Variants in DYM observed in about 807,000 individuals in gnomAD.
The protein encoded by DYM is dymeclin.
In DYM, 78 loss-of-function variants were observed where a neutral mutation model predicts 93.1. The observed-to-expected ratio is 0.84, with a 90% CI of 0.70 to 1.01. The LOEUF is 1.01. DYM is among the 50% of genes least tolerant of loss of function. The pLI is 0.00. For synonymous variants in DYM, 321 were observed against 319.7 expected, an observed-to-expected ratio of 1.00 and a Z score of -0.04; for missense variants, 789 against 845.0, an observed-to-expected ratio of 0.93 and a Z score of 0.82.
chr18:49,190,302 T>C (rs1401185516), intron 14 of DYM, among the ~76,000 whole-genome samples: 4 of 152,252 alleles, frequency 2.6e-5, no homozygotes, highest in African/African-American at 4.8e-5. Context: ...TTTCTTTTAC[T>C]TTTAACATTT....
In DYM at chr18:49,039,539, G is replaced by A. The variant is rs563460449; in HGVS notation, c.*4516C>T. Among the ~76,000 whole-genome samples, 14 of 152,050 alleles carry A rather than the reference G, an allele frequency of 9.2e-5. No homozygotes were observed. The highest frequency in any genetic ancestry group is 1.6e-4 in the Non-Finnish European group (11 of 67,968). ...GCCAACTACCCTGCATGTCTGAGCAGGTCAGACATGCTCACTGTACCCTTT... is the reference window on the plus strand; with the variant it reads ...GCCAACTACCCTGCATGTCTGAGCAAGTCAGACATGCTCACTGTACCCTTT... On this transcript the variant is annotated 3_prime_UTR_variant, in exon 18 of 18. Coordinates refer to ENST00000675505, the MANE Select transcript of DYM (RefSeq NM_001353214.3).
intron 11 of DYM, among the ~76,000 whole-genome samples, chr18:49,268,815 TAAAAG>T (rs148307116): frequency 0.08 from 12,156 of 152,112 alleles, 757 homozygotes; most frequent in East Asian, 0.31. Flanking sequence ...AATTCCTTAT[TAAAAG>T]AAAAGTCATG....
chr18:49,226,722 C>T (rs889357370), intron 13 of DYM, among the ~76,000 whole-genome samples: 1 of 152,046 alleles, frequency 6.6e-6, no homozygotes, highest in African/African-American at 2.4e-5. Context: ...TTGAAAGAAG[C>T]ATTTCAATGT....
chr18:49,386,567 C>T (rs1005284085), intron 3 of DYM, among the ~76,000 whole-genome samples: 1 of 152,128 alleles, frequency 6.6e-6, no homozygotes, highest in Non-Finnish European at 1.5e-5. Context: ...AAATACCCTA[C>T]TAATACTCCC....
intron 13 of DYM, among the ~76,000 whole-genome samples, chr18:49,221,291 C>T (rs1244780956): frequency 1.3e-5 from 2 of 152,052 alleles, no homozygotes; most frequent in Non-Finnish European, 2.9e-5. Flanking sequence ...AATAGGAACA[C>T]TTTTACACTG....
rs2143992958 is a variant in DYM, at chr18:49,041,244, C to A, written c.*2811G>T. On this transcript the variant is annotated 3_prime_UTR_variant, in exon 18 of 18. Coordinates refer to ENST00000675505, the MANE Select transcript of DYM (RefSeq NM_001353214.3). ...GCTCTTCTGCAAAGTGCCTTGAACT[C>A]TTGATAGGGAAGATGCTATTGAAAG... Among the ~76,000 whole-genome samples, 1 of 152,280 alleles carries A rather than the reference C, an allele frequency of 6.6e-6. No homozygotes were observed. The highest frequency in any genetic ancestry group is 6.5e-5 in the Admixed American group (1 of 15,302).
intron 2 of DYM, among the ~76,000 whole-genome samples, chr18:49,411,649 CTGAACA>C (rs1435951216): frequency 6.6e-6 from 1 of 152,156 alleles, no homozygotes; most frequent in African/African-American, 2.4e-5. Context: ...TAACAGACCT[CTGAACA>C]CAGGTTTGCT....
intron 13 of DYM, among the ~76,000 whole-genome samples, chr18:49,234,422 A>G (rs1372341832): frequency 1.3e-5 from 2 of 152,048 alleles, no homozygotes; most frequent in Non-Finnish European, 2.9e-5. Flanking sequence ...GTGCCACCAC[A>G]CTCCAGCCTG....
chr18:49,417,290 A>G (rs2073105460), intron 2 of DYM, among the ~76,000 whole-genome samples: 1 of 152,064 alleles, frequency 6.6e-6, no homozygotes, highest in Non-Finnish European at 1.5e-5. Context: ...TTGGGACTAC[A>G]AGCATAAGCC....
chr18:49,457,989 A>C (rs148552372), intron 1 of DYM, among the ~76,000 whole-genome samples: 18 of 152,352 alleles, frequency 1.2e-4, no homozygotes, highest in Non-Finnish European at 1.9e-4. Context: ...AGAAACCTCC[A>C]GAGAAGAACA....
chr18:49,298,411 C>G (rs914294108), intron 8 of DYM, among the ~76,000 whole-genome samples: 2 of 151,976 alleles, frequency 1.3e-5, no homozygotes, highest in African/African-American at 4.8e-5. Flanking sequence ...GAAACCCCGT[C>G]TCTACTAAAA....
Position 49,363,226 on chromosome 18 carries a change from G to A in DYM, c.429C>T (p.Asp143=). 2 of 1,613,318 alleles carry A rather than the reference G, an allele frequency of 1.2e-6. No homozygotes were observed. The highest frequency in any genetic ancestry group is 8.5e-7 in the Non-Finnish European group (1 of 1,179,518). ...GCAATTCTTCCAAAAGATCTTCTGAGTCAGAACCTGGTAAGACACATAAAA... is the reference window on the plus strand; with the variant it reads ...GCAATTCTTCCAAAAGATCTTCTGAATCAGAACCTGGTAAGACACATAAAA... The part of the protein sequence containing the change: ...EEKSPGNYSS[D]SEDLLEELLC... Residue 143 remains aspartate (D), a synonymous_variant, in exon 6 of 18, where the codon GAC becomes GAT. Transcript: ENST00000675505.
intron 14 of DYM, among the ~76,000 whole-genome samples, chr18:49,165,295 A>G (rs2087726319): frequency 6.6e-6 from 1 of 152,146 alleles, no homozygotes; most frequent in Admixed American, 6.6e-5. Context: ...TATGATCCCA[A>G]TATTAAATTT....
At chr18:49,301,093 G>T (rs905919425) in intron 8 of DYM, among the ~76,000 whole-genome samples, 1 of 152,144 alleles carries the variant, frequency 6.6e-6, no homozygotes. Context: ...AGGGACACAT[G>T]TAAGTATTTG....
chr18:49,412,105 G>T (rs1290343909), intron 2 of DYM, among the ~76,000 whole-genome samples: 1 of 152,072 alleles, frequency 6.6e-6, no homozygotes, highest in Non-Finnish European at 1.5e-5. Flanking sequence ...GTGATTCACA[G>T]ACAATCGTAT....
At chr18:49,342,080 A>G (rs1193153829) in intron 6 of DYM, among the ~76,000 whole-genome samples, 1 of 152,182 alleles carries the variant, frequency 6.6e-6, no homozygotes, top group Non-Finnish European at 1.5e-5. Flanking sequence ...TGGAGGCTCT[A>G]AAGAAGAATT....
At chr18:49,103,151 T>C (rs2080371645) in intron 16 of DYM, among the ~76,000 whole-genome samples, 1 of 152,232 alleles carries the variant, frequency 6.6e-6, no homozygotes, top group African/African-American at 2.4e-5. Flanking sequence ...TTGATTTGCA[T>C]TTCTCTGATG....
At chr18:49,246,244 A>G (rs1568095002) in intron 13 of DYM, among the ~76,000 whole-genome samples, 1 of 152,214 alleles carries the variant, frequency 6.6e-6, no homozygotes, top group East Asian at 1.9e-4. Context: ...TATCTCTGCA[A>G]CATCTGATTC....
At chr18:49,143,379 C>G (rs2084742797) in intron 15 of DYM, among the ~76,000 whole-genome samples, 1 of 152,118 alleles carries the variant, frequency 6.6e-6, no homozygotes, top group African/African-American at 2.4e-5. Context: ...GAATAAAGGG[C>G]ATATCTTCCT....
Sources: allele counts gnomAD v4.1 joint callset (sites outside exome capture counted in the v4.1 genomes callset), GRCh38; gene constraint gnomAD v4.1.1; transcripts MANE v1.5; gene names NCBI Gene and HGNC (gene_info 2026-07-23, HGNC 2026-07-21).